Variants in TMEM273 observed in about 807,000 individuals in gnomAD.
The protein encoded by TMEM273 is transmembrane protein 273, also known as chromosome 10 open reading frame 128.
TMEM273 carries 19 observed loss-of-function variants against 17.9 expected under a neutral mutation model. That is an observed-to-expected ratio of 1.06 (90% CI 0.74 to 1.55). The LOEUF (loss-of-function observed/expected upper bound fraction) is 1.55, where lower values mean the gene tolerates loss of function less well. Among genes scored for constraint, TMEM273 ranks in the 40% most tolerant of loss-of-function variants. TMEM273 has a pLI of 0.00. For synonymous variants in TMEM273, 66 were observed against 62.0 expected (o/e 1.07, Z -0.31); for missense variants, 194 against 155.6 (o/e 1.25, Z -1.31).
chr10:49,155,902 G>A lies in TMEM273; in HGVS notation c.380C>T (p.Thr127Ile). The A allele has an allele frequency of 6.2e-7, 1 of 1,614,160 alleles. No homozygotes were observed. The highest frequency in any genetic ancestry group is 8.5e-7 in the Non-Finnish European group (1 of 1,180,030). Reference protein sequence around the residue: ...AKPQFLQKRCTGD With the variant: ...AKPQFLQKRCIGD ...CTGCTCACCTACAGCTCAATCACCTGTGCATCTCTGGAAAGGAAGAGAACC... is the reference window on the plus strand; with the variant it reads ...CTGCTCACCTACAGCTCAATCACCTATGCATCTCTGGAAAGGAAGAGAACC... The change falls in exon 7 of 7, where the codon ACA becomes ATA. Residue 127 changes from threonine (T) to isoleucine (I), a missense_variant. By Grantham distance (89) the Thr-to-Ile change is moderately conservative. Coordinates refer to ENST00000374153, the MANE Select transcript of TMEM273 (RefSeq NM_001288740.3).
At chr10:49,174,744 G>C (rs1460787982) in intron 1 of TMEM273, among the ~76,000 whole-genome samples, 1 of 152,152 alleles carries the variant, frequency 6.6e-6, no homozygotes, top group African/African-American at 2.4e-5. Context: ...GGAGCTTTTA[G>C]ACAACTCCTT....
At chr10:49,173,811 T>G (rs1846748900) in intron 1 of TMEM273, among the ~76,000 whole-genome samples, 1 of 152,200 alleles carries the variant, frequency 6.6e-6, no homozygotes, top group African/African-American at 2.4e-5. Flanking sequence ...GTGTAAGTAC[T>G]GAGTGGTACG....
intron 6 of TMEM273, among the ~76,000 whole-genome samples, chr10:49,156,410 A>C (rs1480371222): frequency 6.6e-6 from 1 of 152,210 alleles, no homozygotes; most frequent in African/African-American, 2.4e-5. Flanking sequence ...GTGTCTAAAA[A>C]AGGGGAAACA....
In TMEM273 at chr10:49,155,091, C is replaced by T. The variant is rs1443297832; in HGVS notation, c.*801G>A. 1.3e-5 allele frequency: 2 copies of T among 152,240 alleles called. No individual in the cohort carries two copies. Among genetic ancestry groups the T allele is most frequent in the African/African-American group, 4.8e-5 (2 of 41,444 alleles). The allele number at this position is 152,240 out of a possible 1,614,324, so 9.4% of individuals were successfully genotyped here. A position where few individuals can be genotyped will look rare whatever the true frequency, so the allele number is the denominator to read the frequency against. ...GCAATTGTAGAATGTCATGGCTTTCCTCAGCCTCCACCAGTCATGTCTTCT... is the reference window on the plus strand; with the variant it reads ...GCAATTGTAGAATGTCATGGCTTTCTTCAGCCTCCACCAGTCATGTCTTCT... On this transcript the variant is annotated 3_prime_UTR_variant, in exon 7 of 7. Transcript: ENST00000374153.
intron 1 of TMEM273, among the ~76,000 whole-genome samples, chr10:49,182,117 G>C (rs1051781152): frequency 6.6e-6 from 1 of 152,210 alleles, no homozygotes; most frequent in African/African-American, 2.4e-5. Context: ...CTGCTGACTT[G>C]CAAGAGACCC....
chr10:49,174,424 T>A (rs1846805762), intron 1 of TMEM273, among the ~76,000 whole-genome samples: 1 of 152,214 alleles, frequency 6.6e-6, no homozygotes. Context: ...TCCTCCTACT[T>A]CCAGCATCGC....
intron 1 of TMEM273, among the ~76,000 whole-genome samples, chr10:49,181,259 A>G (rs947210466): frequency 1.3e-5 from 2 of 152,256 alleles, no homozygotes; most frequent in African/African-American, 2.4e-5. Context: ...ATGGAAAAAC[A>G]CAACATGATA....
At chr10:49,172,283 T>C (rs1036737751) in intron 1 of TMEM273, among the ~76,000 whole-genome samples, 2 of 152,190 alleles carry the variant, frequency 1.3e-5, no homozygotes, top group Admixed American at 6.5e-5. Context: ...GAGACCCAAG[T>C]GCCCCATGAA....
At position 49,186,017 on chromosome 10, in the gene TMEM273, G is replaced by A. The variant is rs536401113; in HGVS notation, c.43+2277C>T. 2.3e-3 allele frequency among the ~76,000 whole-genome samples: 183 copies of A among 78,776 alleles called. 1 individual carries two copies. The highest frequency in any genetic ancestry group is 7.4e-3 in the African/African-American group (176 of 23,938). 51.7% of individuals were successfully genotyped at this position (78,776 alleles called of 152,430 possible). On this transcript the variant is annotated intron_variant, in intron 1 of 6. Transcript: ENST00000374153. ...AGGAGGAGGAAGAGGAGGAGGAGGA[G>A]GAAGAAGAAGAAGAAGAAAAAGAAG...
chr10:49,162,909 G>A (rs941369869), intron 5 of TMEM273, among the ~76,000 whole-genome samples: 1 of 152,228 alleles, frequency 6.6e-6, no homozygotes, highest in Non-Finnish European at 1.5e-5. Flanking sequence ...CAAGAGCCCT[G>A]TGTGAAAACC....
chr10:49,160,726 A>G (rs1464191119), intron 6 of TMEM273: 1 of 151,586 alleles, frequency 6.6e-6, no homozygotes, highest in Non-Finnish European at 1.5e-5. Context: ...GGGGTGAAAT[A>G]TCATGATATC....
chr10:49,165,315 G>T, intron 4 of TMEM273, 32 bp from the exon 5 acceptor site: 1 of 1,550,520 alleles, frequency 6.4e-7, no homozygotes, highest in Admixed American at 2.0e-5. Context: ...ACAGAAAACA[G>T]CAAGTGCAAA....
At chr10:49,163,471 C>T (rs1423109119) in intron 5 of TMEM273, among the ~76,000 whole-genome samples, 1 of 152,128 alleles carries the variant, frequency 6.6e-6, no homozygotes, top group Non-Finnish European at 1.5e-5. Flanking sequence ...GTGTGGCCAC[C>T]GGGGCCTGGA....
rs1223659270 is a variant in TMEM273, at chr10:49,154,988, A to G, written c.*904T>C. ...TTCCTGGAAAGTGGAAAGGCAAAGA[A>G]TATTCCGTGATGTGATCCCAGAAAT... is the stretch of plus-strand genomic sequence containing the variant. On this transcript the variant is annotated 3_prime_UTR_variant, in exon 7 of 7. Coordinates refer to ENST00000374153, the MANE Select transcript of TMEM273 (RefSeq NM_001288740.3). The G allele has an allele frequency of 1.3e-5, 2 of 152,228 alleles. No homozygotes were observed. Among genetic ancestry groups the G allele is most frequent in the Non-Finnish European group, 2.9e-5 (2 of 68,046 alleles). 9.4% of individuals were successfully genotyped at this position (152,228 alleles called of 1,614,324 possible). A position where few individuals can be genotyped will look rare whatever the true frequency, so the allele number is the denominator to read the frequency against.
chr10:49,174,847 C>A (rs1041458214), intron 1 of TMEM273, among the ~76,000 whole-genome samples: 2 of 152,074 alleles, frequency 1.3e-5, no homozygotes, highest in African/African-American at 4.8e-5. Context: ...AGGACCCCTG[C>A]GACCCTGACG....
chr10:49,156,912 G>A (rs1474950360), intron 6 of TMEM273, among the ~76,000 whole-genome samples: 2 of 152,214 alleles, frequency 1.3e-5, no homozygotes, highest in African/African-American at 4.8e-5. Flanking sequence ...AAAAGTAAAG[G>A]GAGGGATTCC....
chr10:49,174,116 A>G (rs1278623013), intron 1 of TMEM273, among the ~76,000 whole-genome samples: 1 of 152,250 alleles, frequency 6.6e-6, no homozygotes, highest in African/African-American at 2.4e-5. Context: ...GACTCACCAG[A>G]GACAACCCTG....
At chr10:49,180,002 C>A (rs75219119) in intron 1 of TMEM273, among the ~76,000 whole-genome samples, 2 of 152,152 alleles carry the variant, frequency 1.3e-5, no homozygotes, top group Non-Finnish European at 2.9e-5. Flanking sequence ...CACTCCCCAA[C>A]GAGGGTGGTG....
At chr10:49,166,718 G>C in intron 3 of TMEM273, 151 bp downstream of exon 3, 1 of 1,133,526 alleles carries the variant, frequency 8.8e-7, no homozygotes, top group Non-Finnish European at 1.3e-6. Context: ...GTTAGTGAGA[G>C]AGACAGAAAC....
Sources: gnomAD v4.1 joint callset for allele counts (sites outside exome capture counted in the v4.1 genomes callset) on GRCh38, gnomAD v4.1.1 for gene constraint, MANE v1.5 for transcripts, NCBI Gene and HGNC (gene_info 2026-07-23, HGNC 2026-07-21) for gene names.